The following SLC38A12 variants were observed in gnomAD, a reference collection of about 807,000 sequenced individuals.
SLC38A12 encodes the protein solute carrier family 38 member 12, also known as putative sodium-coupled neutral amino acid transporter 12.
At chr17:74,800,410 T>A in the SLC38A12 span, among the ~76,000 whole-genome samples, 3 of 152,220 alleles carry the variant, frequency 2.0e-5, no homozygotes, top group Non-Finnish European at 4.4e-5. Context: ...TCAAGTAGTG[T>A]TAGAATTAAG....
chr17:74,822,617 A>T, the SLC38A12 span, among the ~76,000 whole-genome samples: 1 of 152,244 alleles, frequency 6.6e-6, no homozygotes, highest in South Asian at 2.1e-4. Context: ...TGGGGGCGAC[A>T]GCAAAGGCAG....
chr17:74,835,837 C>T, the SLC38A12 span: 1 of 1,508,062 alleles, frequency 6.6e-7, no homozygotes, highest in Non-Finnish European at 8.8e-7. Context: ...TCACAGGGCT[C>T]TAGTCCCCGC....
the SLC38A12 span, among the ~76,000 whole-genome samples, chr17:74,819,306 C>T: frequency 1.3e-5 from 2 of 152,246 alleles, no homozygotes; most frequent in African/African-American, 4.8e-5. Context: ...GGTCCCTCCC[C>T]ACTGTGTCCT....
chr17:74,839,446 G>A, the SLC38A12 span: 1 of 275,392 alleles, frequency 3.6e-6, no homozygotes, highest in Non-Finnish European at 7.0e-6. Flanking sequence ...AAGCAAGGGT[G>A]ACCCATGGTT....
chr17:74,839,181 C>A, the SLC38A12 span: 3 of 1,494,430 alleles, frequency 2.0e-6, no homozygotes, highest in Non-Finnish European at 2.7e-6. Context: ...ATAGATGGGG[C>A]GGATGGCAGG....
the SLC38A12 span, among the ~76,000 whole-genome samples, chr17:74,826,983 G>GC: frequency 6.6e-6 from 1 of 152,138 alleles, no homozygotes; most frequent in Non-Finnish European, 1.5e-5. Context: ...GACCCCCAGA[G>GC]CCCCAAAGGT....
the SLC38A12 span, among the ~76,000 whole-genome samples, chr17:74,831,549 C>T: frequency 6.6e-6 from 1 of 152,244 alleles, no homozygotes; most frequent in Non-Finnish European, 1.5e-5. Context: ...GTGTCAGCCT[C>T]CTCCTCTGTC....
the SLC38A12 span, chr17:74,838,610 C>A: frequency 3.0e-6 from 4 of 1,319,346 alleles, no homozygotes; most frequent in Non-Finnish European, 3.9e-6. Context: ...GTGACCACAT[C>A]GCTGATGCCA....
chr17:74,831,464 A>G, the SLC38A12 span, among the ~76,000 whole-genome samples: 3 of 152,300 alleles, frequency 2.0e-5, no homozygotes, highest in South Asian at 6.2e-4. Context: ...TCAGATATTA[A>G]GAGAGAAGTC....
chr17:74,839,330 G>A, the SLC38A12 span: 4 of 705,588 alleles, frequency 5.7e-6, no homozygotes, highest in Non-Finnish European at 8.9e-6. Flanking sequence ...GTGGTGGGGA[G>A]GACAGGGGCT....
the SLC38A12 span, among the ~76,000 whole-genome samples, chr17:74,820,601 T>C: frequency 6.6e-6 from 1 of 152,284 alleles, no homozygotes; most frequent in South Asian, 2.1e-4. Flanking sequence ...CCTCTTCTGC[T>C]CAATCTAAAA....
the SLC38A12 span, among the ~76,000 whole-genome samples, chr17:74,828,743 C>T: frequency 1.3e-5 from 2 of 151,928 alleles, no homozygotes; most frequent in African/African-American, 4.9e-5. Context: ...TTGGGCTTTT[C>T]GAGAAGGATT....
the SLC38A12 span, chr17:74,790,121 C>A: frequency 1.7e-6 from 2 of 1,197,968 alleles, no homozygotes; most frequent in Non-Finnish European, 2.5e-6. Context: ...ACCTGGCTAA[C>A]ATTCTGTACT....
At chr17:74,796,173 G>T in the SLC38A12 span, among the ~76,000 whole-genome samples, 1 of 152,214 alleles carries the variant, frequency 6.6e-6, no homozygotes, top group Non-Finnish European at 1.5e-5. Flanking sequence ...TGTGCCGTTG[G>T]TGGGGGGCAG....
the SLC38A12 span, among the ~76,000 whole-genome samples, chr17:74,813,478 G>GT: frequency 7.2e-5 from 11 of 152,114 alleles, no homozygotes; most frequent in East Asian, 1.2e-3. Context: ...TTTCTTGTGG[G>GT]TTTTTTGTTT....
the SLC38A12 span, chr17:74,788,871 G>A: frequency 6.2e-7 from 1 of 1,612,456 alleles, no homozygotes; most frequent in Non-Finnish European, 8.5e-7. Context: ...GAACCTCAAG[G>A]TGTGTGTGTT....
chr17:74,798,138 T>C, the SLC38A12 span, among the ~76,000 whole-genome samples: 1 of 152,218 alleles, frequency 6.6e-6, no homozygotes, highest in African/African-American at 2.4e-5. Flanking sequence ...CTCAGGTAGA[T>C]GGTGCCCCTA....
chr17:74,795,773 G>T, the SLC38A12 span: 2 of 675,046 alleles, frequency 3.0e-6, no homozygotes, highest in Non-Finnish European at 5.0e-6. Flanking sequence ...AAGCACTGGG[G>T]CCTTGGCCCC....
the SLC38A12 span, among the ~76,000 whole-genome samples, chr17:74,834,713 T>C: frequency 6.6e-6 from 1 of 152,236 alleles, no homozygotes; most frequent in Non-Finnish European, 1.5e-5. Flanking sequence ...CCCTTCACAC[T>C]TGCCTGTGCT....
Sources: gnomAD v4.1 joint callset for allele counts (sites outside exome capture counted in the v4.1 genomes callset) on GRCh38, gnomAD v4.1.1 for gene constraint, MANE v1.5 for transcripts, NCBI Gene and HGNC (gene_info 2026-07-23, HGNC 2026-07-21) for gene names.